Variants in TMEM154 observed in about 807,000 individuals in gnomAD.
TMEM154 encodes the protein transmembrane protein 154.
Under a neutral mutation model 24.5 loss-of-function variants are expected in TMEM154, and 27 were observed. That is an observed-to-expected ratio of 1.10 (90% CI 0.81 to 1.52). The LOEUF is 1.52. Ranked by LOEUF, TMEM154 falls within the 40% of genes most tolerant of loss-of-function variation. The pLI is 0.00. For missense variants in TMEM154, 228 were observed against 213.4 expected (o/e 1.07, Z -0.43); for synonymous variants, 67 against 76.8 (o/e 0.87, Z 0.67).
chr4:152,679,490 A>G (rs1389579154), intron 1 of TMEM154, among the ~76,000 whole-genome samples: 1 of 152,062 alleles, frequency 6.6e-6, no homozygotes, highest in African/African-American at 2.4e-5. Context: ...CCCACACCAT[A>G]AAAAGCAAAT....
Position 152,626,181 on chromosome 4 carries a change from C to T in TMEM154, c.*2365G>A, listed in dbSNP as rs556106476. Reference sequence around the variant, plus strand: ...TTTGACTAGGCTATGTTGTTGTTAACCTAGTTTGCTTAAAATGTACGAAAA... The same window carrying T: ...TTTGACTAGGCTATGTTGTTGTTAATCTAGTTTGCTTAAAATGTACGAAAA... On this transcript the variant is annotated 3_prime_UTR_variant, in exon 7 of 7. Transcript: ENST00000304385. The T allele has an allele frequency of 9.3e-4, 142 of 152,712 alleles. No homozygotes were observed. Among genetic ancestry groups the T allele is most frequent in the Non-Finnish European group, 1.7e-3 (117 of 68,026 alleles). The allele number at this position is 152,712 out of a possible 1,614,324, so 9.5% of individuals were successfully genotyped here.
At chr4:152,674,433 A>G (rs1728911816) in intron 1 of TMEM154, among the ~76,000 whole-genome samples, 1 of 152,078 alleles carries the variant, frequency 6.6e-6, no homozygotes, top group Non-Finnish European at 1.5e-5. Context: ...CTGATTTTCA[A>G]TTTGGATTGC....
intron 1 of TMEM154, among the ~76,000 whole-genome samples, chr4:152,670,416 AAACAC>A (rs1250658111): frequency 6.6e-6 from 1 of 152,108 alleles, no homozygotes; most frequent in African/African-American, 2.4e-5. Context: ...CAACATGGTA[AAACAC>A]CATCTCTACT....
intron 3 of TMEM154, chr4:152,646,732 C>G: frequency 1.8e-6 from 1 of 551,630 alleles, no homozygotes; most frequent in East Asian, 3.1e-5. Context: ...CAGATCCTCT[C>G]CTCTGTGCAT....
intron 4 of TMEM154, 68 bp from the exon 5 acceptor site, chr4:152,643,241 G>C (rs1752290523): frequency 8.4e-7 from 1 of 1,190,706 alleles, no homozygotes; most frequent in Admixed American, 2.0e-5. Context: ...TTTGGAAAGA[G>C]ACTAGAATGC....
intron 1 of TMEM154, among the ~76,000 whole-genome samples, chr4:152,653,355 A>C (rs1451351560): frequency 6.6e-6 from 1 of 151,870 alleles, no homozygotes; most frequent in Admixed American, 6.6e-5. Context: ...GCCATACAGC[A>C]CTTTTAGATG....
intron 1 of TMEM154, among the ~76,000 whole-genome samples, chr4:152,655,960 G>A (rs1184996197): frequency 1.3e-5 from 2 of 152,134 alleles, no homozygotes; most frequent in African/African-American, 4.8e-5. Context: ...TCCCAGTGCA[G>A]TACTTGAGTG....
rs56224803 is a variant in TMEM154, at chr4:152,653,390, A to AT, written c.65-464dup. Among the ~76,000 whole-genome samples the AT allele has an allele frequency of 6.1e-3, 861 of 141,926 alleles. 14 individuals carry two copies. Among genetic ancestry groups the AT allele is most frequent in the African/African-American group, 0.011 (410 of 38,292 alleles). The allele number at this position is 141,926 out of a possible 152,430, so 93.1% of individuals were successfully genotyped here. On this transcript the variant is annotated intron_variant, in intron 1 of 6. Transcript: ENST00000304385. ...GTAAAGAAATGCACTCTGTGTCCTA[A>AT]TTTTTTTTTTTTTTTTTGAGGCAGA... is the stretch of plus-strand genomic sequence containing the variant.
chr4:152,656,829 G>C (rs979078507), intron 1 of TMEM154, among the ~76,000 whole-genome samples: 8 of 151,968 alleles, frequency 5.3e-5, no homozygotes, highest in Non-Finnish European at 1.2e-4. Context: ...GCTGAGGCAG[G>C]AGAATCGTTT....
intron 3 of TMEM154, among the ~76,000 whole-genome samples, chr4:152,648,908 G>C (rs1311643358): frequency 6.6e-6 from 1 of 152,144 alleles, no homozygotes; most frequent in Non-Finnish European, 1.5e-5. Context: ...AAAAAGCTCT[G>C]TTTGCTTTTT....
chr4:152,660,314 G>A (rs558135397), intron 1 of TMEM154, among the ~76,000 whole-genome samples: 3 of 152,118 alleles, frequency 2.0e-5, no homozygotes, highest in South Asian at 2.1e-4. Context: ...TGGTTGGTGC[G>A]GCTGATGGTA....
At chr4:152,661,645 T>G (rs147872538) in intron 1 of TMEM154, among the ~76,000 whole-genome samples, 1 of 152,308 alleles carries the variant, frequency 6.6e-6, no homozygotes, top group African/African-American at 2.4e-5. Context: ...TTATAGAATT[T>G]GGACAAATTA....
chr4:152,667,782 T>C (rs1284754369), intron 1 of TMEM154, among the ~76,000 whole-genome samples: 1 of 152,282 alleles, frequency 6.6e-6, no homozygotes, highest in African/African-American at 2.4e-5. Flanking sequence ...CTAGAGGTGA[T>C]GATGCCTTGC....
intron 1 of TMEM154, among the ~76,000 whole-genome samples, chr4:152,672,099 A>C (rs1728853700): frequency 6.6e-6 from 1 of 151,020 alleles, no homozygotes. Context: ...ATAAAAAAAA[A>C]AAAAAAAAAA....
At chr4:152,670,411 T>C (rs1728813461) in intron 1 of TMEM154, among the ~76,000 whole-genome samples, 1 of 152,106 alleles carries the variant, frequency 6.6e-6, no homozygotes, top group African/African-American at 2.4e-5. Flanking sequence ...CTGGTCAACA[T>C]GGTAAAACAC....
chr4:152,632,256 A>G (rs573152343), intron 6 of TMEM154, among the ~76,000 whole-genome samples: 1 of 152,170 alleles, frequency 6.6e-6, no homozygotes, highest in Admixed American at 6.5e-5. Flanking sequence ...ATATTTTAGT[A>G]TAAAGCATGA....
chr4:152,667,249 TAAC>T (rs1326818846), intron 1 of TMEM154, among the ~76,000 whole-genome samples: 1 of 152,206 alleles, frequency 6.6e-6, no homozygotes, highest in African/African-American at 2.4e-5. Flanking sequence ...CTCCTTCCCC[TAAC>T]AACTTCCTTT....
At chr4:152,630,314 A>AAAG (rs1331190793) in intron 6 of TMEM154, among the ~76,000 whole-genome samples, 1 of 151,178 alleles carries the variant, frequency 6.6e-6, no homozygotes, top group African/African-American at 2.4e-5. Flanking sequence ...TGTCTCAAAA[A>AAAG]AAAAAAAAAA....
At chr4:152,655,839 A>G (rs1232885587) in intron 1 of TMEM154, among the ~76,000 whole-genome samples, 1 of 152,012 alleles carries the variant, frequency 6.6e-6, no homozygotes, top group Non-Finnish European at 1.5e-5. Context: ...TGCTGCCTTC[A>G]CCTGAGCTTT....
Sources: allele counts gnomAD v4.1 joint callset (sites outside exome capture counted in the v4.1 genomes callset), GRCh38; gene constraint gnomAD v4.1.1; transcripts MANE v1.5; gene names NCBI Gene and HGNC (gene_info 2026-07-23, HGNC 2026-07-21).